Variants in MOSMO observed in about 807,000 individuals in gnomAD.
MOSMO encodes modulator of smoothened protein.
In MOSMO, 5 loss-of-function variants were observed where a neutral mutation model predicts 18.4. The observed-to-expected ratio is 0.27, with a 90% CI of 0.14 to 0.57. The LOEUF (loss-of-function observed/expected upper bound fraction) is 0.57. MOSMO is among the 20% of genes least tolerant of loss of function. MOSMO has a pLI of 0.92. For synonymous variants in MOSMO, 82 were observed against 82.3 expected (o/e 1.00, Z 0.02); for missense variants, 138 against 211.8 (o/e 0.65, Z 2.16).
intron 1 of MOSMO, among the ~76,000 whole-genome samples, chr16:22,017,804 G>A (rs974870925): frequency 2.6e-5 from 4 of 152,002 alleles, no homozygotes; most frequent in Admixed American, 2.6e-4. Context: ...CAAATTACAC[G>A]GAGGAGAATT....
chr16:22,016,168 A>C (rs956911166), intron 1 of MOSMO, among the ~76,000 whole-genome samples: 1 of 152,084 alleles, frequency 6.6e-6, no homozygotes, highest in African/African-American at 2.4e-5. Flanking sequence ...GCATATCTCT[A>C]TTTGATTCTT....
intron 1 of MOSMO, among the ~76,000 whole-genome samples, chr16:22,056,255 T>C (rs945219537): frequency 3.9e-5 from 6 of 152,100 alleles, no homozygotes; most frequent in African/African-American, 1.4e-4. Flanking sequence ...ACTTATATTC[T>C]AGGACATCTG....
chr16:22,018,297 A>G (rs1188675924), intron 1 of MOSMO, among the ~76,000 whole-genome samples: 1 of 152,166 alleles, frequency 6.6e-6, no homozygotes, highest in Non-Finnish European at 1.5e-5. Context: ...TTATTGCAAT[A>G]TATTCACAGT....
chr16:22,017,389 A>G (rs1172445923), intron 1 of MOSMO, among the ~76,000 whole-genome samples: 1 of 152,198 alleles, frequency 6.6e-6, no homozygotes. Context: ...GATGGTTTAT[A>G]TAACATGACA....
At chr16:22,057,273 G>A (rs1311069553) in intron 1 of MOSMO, among the ~76,000 whole-genome samples, 1 of 152,202 alleles carries the variant, frequency 6.6e-6, no homozygotes, top group Non-Finnish European at 1.5e-5. Flanking sequence ...TAGGTGTCTG[G>A]TGAAGGACCA....
chr16:22,066,594 AC>A (rs1297681953), intron 1 of MOSMO, among the ~76,000 whole-genome samples: 2 of 152,098 alleles, frequency 1.3e-5, no homozygotes, highest in African/African-American at 4.8e-5. Flanking sequence ...ACAGAGAGAG[AC>A]CCCCTCAGCA....
intron 1 of MOSMO, among the ~76,000 whole-genome samples, chr16:22,070,964 T>C (rs1286928698): frequency 6.6e-6 from 1 of 152,140 alleles, no homozygotes; most frequent in Non-Finnish European, 1.5e-5. Context: ...GCCAGCCCAT[T>C]GCTAAAACAT....
intron 1 of MOSMO, among the ~76,000 whole-genome samples, chr16:22,047,101 A>T (rs1441165616): frequency 6.6e-6 from 1 of 151,638 alleles, no homozygotes; most frequent in Non-Finnish European, 1.5e-5. Flanking sequence ...ACAGAAATAT[A>T]TATAATTTTT....
intron 2 of MOSMO, among the ~76,000 whole-genome samples, chr16:22,079,805 A>G (rs1263623829): frequency 1.3e-5 from 2 of 152,134 alleles, no homozygotes; most frequent in African/African-American, 4.8e-5. Context: ...TTGTATTGAG[A>G]CAGAGTCTCA....
intron 2 of MOSMO, among the ~76,000 whole-genome samples, chr16:22,076,571 A>G (rs1017982025): frequency 1.3e-5 from 2 of 152,260 alleles, no homozygotes; most frequent in African/African-American, 4.8e-5. Flanking sequence ...AAACAGGAGA[A>G]CAATACCTAT....
At chr16:22,018,604 A>G (rs1436953762) in intron 1 of MOSMO, among the ~76,000 whole-genome samples, 1 of 152,202 alleles carries the variant, frequency 6.6e-6, no homozygotes, top group Non-Finnish European at 1.5e-5. Flanking sequence ...CTATTGACGT[A>G]TTTGTGGTCT....
intron 1 of MOSMO, among the ~76,000 whole-genome samples, chr16:22,028,921 G>C (rs1232136914): frequency 6.6e-6 from 1 of 152,118 alleles, no homozygotes; most frequent in African/African-American, 2.4e-5. Flanking sequence ...GCCCAGGCTG[G>C]AGTACAATGG....
chr16:22,086,214 C>T (rs1263244056), downstream of MOSMO: 1 of 152,204 alleles, frequency 6.6e-6, no homozygotes, highest in African/African-American at 2.4e-5. Flanking sequence ...CAAAAGAAAG[C>T]ATATTATTTC....
chr16:22,036,186 G>A (rs1405311801), intron 1 of MOSMO, among the ~76,000 whole-genome samples: 1 of 151,982 alleles, frequency 6.6e-6, no homozygotes, highest in Non-Finnish European at 1.5e-5. Flanking sequence ...CAGTGCAGTG[G>A]CCCAATCATG....
chr16:22,043,745 A>C (rs1900253564), intron 1 of MOSMO, among the ~76,000 whole-genome samples: 1 of 152,224 alleles, frequency 6.6e-6, no homozygotes, highest in African/African-American at 2.4e-5. Flanking sequence ...GTGGTTCTGT[A>C]TACCAGCAGT....
chr16:22,057,136 A>C (rs930532454), intron 1 of MOSMO, among the ~76,000 whole-genome samples: 1 of 152,204 alleles, frequency 6.6e-6, no homozygotes, highest in African/African-American at 2.4e-5. Context: ...TAATGTGAAA[A>C]AATGTGGTGT....
At chr16:22,046,097 A>G (rs1900304925) in intron 1 of MOSMO, among the ~76,000 whole-genome samples, 1 of 135,298 alleles carries the variant, frequency 7.4e-6, no homozygotes, top group East Asian at 2.2e-4. Context: ...CTCATTGTTC[A>G]ATTCCTGGCC....
At chr16:22,053,274 T>G (rs1900465631) in intron 1 of MOSMO, among the ~76,000 whole-genome samples, 1 of 152,062 alleles carries the variant, frequency 6.6e-6, no homozygotes, top group Non-Finnish European at 1.5e-5. Context: ...CTATTCTTCC[T>G]TCTTAAACTG....
chr16:22,037,791 G>T (rs1244723200), intron 1 of MOSMO, among the ~76,000 whole-genome samples: 1 of 152,196 alleles, frequency 6.6e-6, no homozygotes, highest in Non-Finnish European at 1.5e-5. Context: ...GTGGGAAGGG[G>T]CGGGAAGCTT....
Sources: allele counts gnomAD v4.1 joint callset (sites outside exome capture counted in the v4.1 genomes callset), GRCh38; gene constraint gnomAD v4.1.1; transcripts MANE v1.5; gene names NCBI Gene and HGNC (gene_info 2026-07-23, HGNC 2026-07-21).